The following RGS6 variants were observed in gnomAD, a reference collection of about 807,000 sequenced individuals.
The protein encoded by RGS6 is regulator of G-protein signaling 6.
In RGS6, 30 loss-of-function variants were observed where a neutral mutation model predicts 78.5. The ratio of observed to expected loss-of-function variants is 0.38; its 90% CI spans 0.29 to 0.52. RGS6 has a LOEUF of 0.52. RGS6 is among the 20% of genes least tolerant of loss of function. The pLI, the probability that RGS6 is intolerant of heterozygous loss-of-function variation, is 0.85. For synonymous variants in RGS6, 206 were observed against 206.0 expected, an observed-to-expected ratio of 1.00 and a Z score of 0.00; for missense variants, 495 against 609.7, an observed-to-expected ratio of 0.81 and a Z score of 1.98.
chr14:72,345,721 C>T (rs758370264), intron 2 of RGS6, among the ~76,000 whole-genome samples: 3 of 152,218 alleles, frequency 2.0e-5, no homozygotes, highest in Non-Finnish European at 4.4e-5. Flanking sequence ...CTGTCTTCTA[C>T]CTGTTTTCAT....
At chr14:71,885,483 A>C in the RGS6 span, among the ~76,000 whole-genome samples, 1 of 152,224 alleles carries the variant, frequency 6.6e-6, no homozygotes, top group African/African-American at 2.4e-5. Flanking sequence ...GCCAATTCTC[A>C]AAGGGCAGCT....
chr14:72,268,032 C>T (rs1168570286), intron 2 of RGS6, among the ~76,000 whole-genome samples: 1 of 152,236 alleles, frequency 6.6e-6, no homozygotes, highest in Non-Finnish European at 1.5e-5. Context: ...TCTGACTTTA[C>T]TTTCAGGTGC....
At chr14:72,145,224 A>C (rs1189156165) in intron 2 of RGS6, among the ~76,000 whole-genome samples, 1 of 152,030 alleles carries the variant, frequency 6.6e-6, no homozygotes, top group Non-Finnish European at 1.5e-5. Context: ...AGGCTGCATG[A>C]CCCCTAAACT....
intron 4 of RGS6, among the ~76,000 whole-genome samples, chr14:72,457,120 G>A (rs2095652852): frequency 6.8e-6 from 1 of 148,148 alleles, no homozygotes. Flanking sequence ...TAGCAAATTG[G>A]TCATCACTAA....
At chr14:72,134,920 G>A (rs1025086098) in intron 2 of RGS6, among the ~76,000 whole-genome samples, 40 of 152,046 alleles carry the variant, frequency 2.6e-4, no homozygotes, top group African/African-American at 8.0e-4. Context: ...GGTGGTGTCC[G>A]CCCACATTGG....
intron 3 of RGS6, among the ~76,000 whole-genome samples, chr14:72,387,856 T>G (rs1596582806): frequency 6.6e-6 from 1 of 152,010 alleles, no homozygotes. Context: ...GGGGGCAGGG[T>G]TGGTTTCTTC....
chr14:72,589,994 C>G, the RGS6 span, among the ~76,000 whole-genome samples: 1 of 152,180 alleles, frequency 6.6e-6, no homozygotes, highest in Non-Finnish European at 1.5e-5. Context: ...TTTGAACAGG[C>G]ACTTCTAAAA....
intron 3 of RGS6, among the ~76,000 whole-genome samples, chr14:72,394,648 C>T (rs141587674): frequency 6.6e-6 from 1 of 152,168 alleles, no homozygotes; most frequent in South Asian, 2.1e-4. Context: ...TGGTTATCTC[C>T]CTTGTTCCTT....
chr14:72,348,998 C>G (rs996659975), intron 2 of RGS6, among the ~76,000 whole-genome samples: 1 of 151,972 alleles, frequency 6.6e-6, no homozygotes, highest in South Asian at 2.1e-4. Flanking sequence ...AACCCTGTCT[C>G]TACTAAAAAT....
chr14:72,027,317 G>A (rs1305751740), intron 2 of RGS6, among the ~76,000 whole-genome samples: 1 of 152,150 alleles, frequency 6.6e-6, no homozygotes, highest in Non-Finnish European at 1.5e-5. Context: ...TTAGGGTCAG[G>A]AGTGCCTCTT....
At chr14:72,128,813 G>T (rs905415674) in intron 2 of RGS6, among the ~76,000 whole-genome samples, 21 of 152,178 alleles carry the variant, frequency 1.4e-4, no homozygotes, top group Admixed American at 9.8e-4. Flanking sequence ...ACGTATGCGT[G>T]TGCATCTTCT....
chr14:72,622,167 T>C, the RGS6 span, among the ~76,000 whole-genome samples: 2 of 152,182 alleles, frequency 1.3e-5, no homozygotes, highest in Non-Finnish European at 2.9e-5. Context: ...TACATTTTTC[T>C]ATGGAAAGAG....
rs111289718 is a variant in RGS6, at chr14:72,374,262, G to T, written c.184+22068G>T. Among the ~76,000 whole-genome samples, 5 of 149,512 alleles carry T rather than the reference G, an allele frequency of 3.3e-5. No individual in the cohort carries two copies. In the East Asian group the frequency reaches 9.9e-4, roughly 30 times the overall value. The stretch of plus-strand genomic sequence containing the variant: ...CCCTCCCCCCACCCCACGACAGGCC[G>T]TGGTGTGGGATGTTCCCCTTCCTGT... On this transcript the variant is annotated intron_variant, in intron 3 of 17. Transcript: ENST00000553525.
intron 2 of RGS6, among the ~76,000 whole-genome samples, chr14:72,209,166 A>G (rs1472087971): frequency 6.6e-6 from 1 of 152,124 alleles, no homozygotes; most frequent in East Asian, 1.9e-4. Context: ...GCTTGAGCCT[A>G]GAAGGTTAAG....
chr14:72,187,935 A>G (rs1420417311), intron 2 of RGS6, among the ~76,000 whole-genome samples: 1 of 152,174 alleles, frequency 6.6e-6, no homozygotes, highest in African/African-American at 2.4e-5. Context: ...TTGAAGTTAA[A>G]CCAGGTGACA....
At chr14:72,468,715 A>G (rs1036813240) in intron 7 of RGS6, among the ~76,000 whole-genome samples, 1 of 152,172 alleles carries the variant, frequency 6.6e-6, no homozygotes, top group African/African-American at 2.4e-5. Flanking sequence ...GTCAGTAACT[A>G]TAATCTACGT....
intron 2 of RGS6, among the ~76,000 whole-genome samples, chr14:71,976,225 T>TC (rs2094118482): frequency 6.6e-6 from 1 of 151,294 alleles, no homozygotes; most frequent in African/African-American, 2.4e-5. Context: ...TTTTTTTCTT[T>TC]TTTTTTTGTT....
At chr14:72,335,969 C>A (rs773161208) in intron 2 of RGS6, among the ~76,000 whole-genome samples, 1 of 152,170 alleles carries the variant, frequency 6.6e-6, no homozygotes, top group African/African-American at 2.4e-5. Flanking sequence ...GAAGGGAACT[C>A]GGTATTCCTC....
intron 2 of RGS6, among the ~76,000 whole-genome samples, chr14:72,146,392 A>G (rs892758752): frequency 6.6e-6 from 1 of 152,228 alleles, no homozygotes; most frequent in Non-Finnish European, 1.5e-5. Flanking sequence ...TTTATTTCAT[A>G]CCAATTGCTC....
Sources: gnomAD v4.1 joint callset for allele counts (sites outside exome capture counted in the v4.1 genomes callset) on GRCh38, gnomAD v4.1.1 for gene constraint, MANE v1.5 for transcripts, NCBI Gene and HGNC (gene_info 2026-07-23, HGNC 2026-07-21) for gene names.